PCDHGA8: variants seen among roughly 807,000 people sequenced by gnomAD.
The protein encoded by PCDHGA8 is protocadherin gamma subfamily A, 8.
PCDHGA8 carries 45 observed loss-of-function variants against 59.2 expected under a neutral mutation model. The ratio of observed to expected loss-of-function variants is 0.76; its 90% CI spans 0.60 to 0.98. PCDHGA8 has a LOEUF of 0.98. Ranked by LOEUF, PCDHGA8 falls within the 50% of genes least tolerant of loss-of-function variation. PCDHGA8 has a pLI of 0.00. For missense variants in PCDHGA8, 1,257 were observed against 1,196.2 expected, an observed-to-expected ratio of 1.05 and a Z score of -0.75; for synonymous variants, 531 against 519.0, an observed-to-expected ratio of 1.02 and a Z score of -0.32.
At chr5:141,408,313 T>A (rs375849626) in intron 1 of PCDHGA8, 28 of 1,613,640 alleles carry the variant, frequency 1.7e-5, no homozygotes, top group Non-Finnish European at 2.0e-5. Flanking sequence ...GCTACTCGAT[T>A]CCGGAGGAGC....
chr5:141,422,360 G>C (rs766368774), intron 1 of PCDHGA8: 1 of 1,559,254 alleles, frequency 6.4e-7, no homozygotes, highest in African/African-American at 1.4e-5. Context: ...CAAGATTCTG[G>C]AGAAAATGGT....
rs778744503 is a variant in PCDHGA8, at chr5:141,511,152, G to C, written c.2778G>C (p.Ser926=). 2 of 1,614,140 alleles carry C rather than the reference G, an allele frequency of 1.2e-6. No individual in the cohort carries two copies. Among genetic ancestry groups the C allele is most frequent in the South Asian group, 2.2e-5 (2 of 91,086 alleles). The change falls in exon 4 of 4, where the codon TCG becomes TCC. Residue 926 remains serine, a synonymous_variant. Coordinates refer to ENST00000398604, the MANE Select transcript of PCDHGA8 (RefSeq NM_032088.2). ...PAGGNGNKKK[S]GKKEKK ...GTGGCAATGGCAACAAGAAGAAGTC[G>C]GGCAAGAAGGAGAAGAAGTAACATG...
chr5:141,428,381 C>T, intron 1 of PCDHGA8: 1 of 516,406 alleles, frequency 1.9e-6, no homozygotes, highest in Non-Finnish European at 3.6e-6. Context: ...CTGCGATGCT[C>T]TTCCAGCCCC....
Position 141,432,072 on chromosome 5 carries a change from T to C in PCDHGA8, c.2424+36835T>C, listed in dbSNP as rs1236871982. The C allele has an allele frequency of 6.2e-7, 1 of 1,614,178 alleles. No homozygotes were observed. The highest frequency in any genetic ancestry group is 8.5e-7 in the Non-Finnish European group (1 of 1,180,032). On this transcript the variant is annotated intron_variant, in intron 1 of 3. Coordinates refer to ENST00000398604, the MANE Select transcript of PCDHGA8 (RefSeq NM_032088.2). This position sits in a 1 kb window ranked among gnomAD's most constrained non-coding sequence, Gnocchi z 6.0. ...CCGCCCCTATCCACGGAAACTCATA[T>C]CTCGCTGAACGTGGCAGACACCAAC...
intron 1 of PCDHGA8, chr5:141,404,365 C>G (rs1322773399): frequency 1.2e-6 from 2 of 1,613,818 alleles, no homozygotes; most frequent in Admixed American, 3.3e-5. Context: ...GTACTTCCAT[C>G]TTCTCCGTGA....
At chr5:141,497,969 C>T (rs1595499086) in intron 2 of PCDHGA8, among the ~76,000 whole-genome samples, 1 of 152,160 alleles carries the variant, frequency 6.6e-6, no homozygotes. Flanking sequence ...GCAGTGTTCT[C>T]GATGTGGGAG....
chr5:141,394,653 C>T lies in PCDHGA8; in HGVS notation c.1840C>T (p.Pro614Ser), dbSNP rs545273127. Residue 614 changes from proline to serine, a missense_variant, in exon 1 of 4, where the codon CCG (proline) becomes TCG (serine). Physicochemically the swap from Pro to Ser is moderately conservative, Grantham distance 74. Coordinates refer to ENST00000398604, the MANE Select transcript of PCDHGA8 (RefSeq NM_032088.2). ...LSYRLLKASE[P>S]GLFSVGLHTG... ...CTACCGCCTGCTCAAGGCCAGCGAG[C>T]CGGGACTCTTCTCGGTGGGTCTGCA... The T allele has an allele frequency of 9.9e-6, 16 of 1,613,348 alleles. No homozygotes were observed. The East Asian group carries it at 3.1e-4, about 31-fold the overall frequency.
chr5:141,470,738 C>T lies in PCDHGA8; in HGVS notation c.2425-24069C>T, dbSNP rs117476356. On this transcript the variant is annotated intron_variant, in intron 1 of 3. Transcript: ENST00000398604. ...TTTGAGTCAGGGTCTTGCTCTGTCG[C>T]CCTGGCTGGAGTGCAGTGGACTCAC... Among the ~76,000 whole-genome samples the T allele has an allele frequency of 1.9e-3, 295 of 152,226 alleles. 7 individuals carry two copies. In the East Asian group the frequency reaches 0.046, roughly 24 times the overall value.
At chr5:141,433,765 A>G (rs1389737053) in intron 1 of PCDHGA8, among the ~76,000 whole-genome samples, 1 of 148,692 alleles carries the variant, frequency 6.7e-6, no homozygotes, top group Non-Finnish European at 1.5e-5. Flanking sequence ...TTAACCTGGG[A>G]GGTGGAGGTT....
chr5:141,399,713 A>C (rs1353862646), intron 1 of PCDHGA8: 1 of 1,613,326 alleles, frequency 6.2e-7, no homozygotes, highest in Non-Finnish European at 8.5e-7. Context: ...CTCACACTAC[A>C]GGCCCGCGAC....
Position 141,431,474 on chromosome 5 carries a change from G to C in PCDHGA8, c.2424+36237G>C. On this transcript the variant is annotated intron_variant, in intron 1 of 3. Coordinates refer to ENST00000398604, the MANE Select transcript of PCDHGA8 (RefSeq NM_032088.2). The surrounding 1 kb of genome is among the most constrained non-coding windows in gnomAD (Gnocchi z 4.8). The stretch of plus-strand genomic sequence containing the variant: ...GATGGTTCTGGATGCGAACGACAAC[G>C]CACCAGCGTTTGCTCAGCCCGAGTA... 6.2e-7 allele frequency: 1 copy of C among 1,613,842 alleles called. No individual in the cohort carries two copies. The highest frequency in any genetic ancestry group is 8.5e-7 in the Non-Finnish European group (1 of 1,179,958).
chr5:141,440,401 C>T (rs1023628115), intron 1 of PCDHGA8: 4 of 152,088 alleles, frequency 2.6e-5, no homozygotes, highest in African/African-American at 7.3e-5. Context: ...GAGAGGCAAT[C>T]GCACCACTGC....
intron 1 of PCDHGA8, among the ~76,000 whole-genome samples, chr5:141,438,587 C>CAT (rs1372372472): frequency 1.4e-4 from 10 of 73,396 alleles, no homozygotes; most frequent in East Asian, 3.8e-4. Context: ...TACATACATA[C>CAT]ATACATATAT....
Position 141,490,876 on chromosome 5 carries a change from G to T in PCDHGA8, c.2425-3931G>T. On this transcript the variant is annotated intron_variant, in intron 1 of 3. Coordinates refer to ENST00000398604, the MANE Select transcript of PCDHGA8 (RefSeq NM_032088.2). The surrounding 1 kb of genome is among the most constrained non-coding windows in gnomAD (Gnocchi z 5.4). Reference sequence around the variant, plus strand: ...AGACTCCGGCTCTCCCCCATTGCATGCCAACACATCTCTGCATGTGTTTGT... The same window carrying T: ...AGACTCCGGCTCTCCCCCATTGCATTCCAACACATCTCTGCATGTGTTTGT... 6.2e-7 allele frequency: 1 copy of T among 1,613,840 alleles called. No homozygotes were observed. The highest frequency in any genetic ancestry group is 8.5e-7 in the Non-Finnish European group (1 of 1,179,894).
intron 2 of PCDHGA8, among the ~76,000 whole-genome samples, chr5:141,505,069 G>A (rs2099843308): frequency 2.0e-5 from 3 of 152,340 alleles, no homozygotes; most frequent in East Asian, 1.9e-4. Flanking sequence ...GACTGAGGCA[G>A]GAGAATCGCT....
Position 141,393,650 on chromosome 5 carries a change from C to A in PCDHGA8, c.837C>A (p.Tyr279Ter). Residue 279 changes from tyrosine to a stop codon, truncating the protein, a stop_gained, in exon 1 of 4, where the codon TAC becomes TAA. Transcript: ENST00000398604. LOFTEE classifies it high-confidence loss of function. ...AGGGAATCAACGGAAAAGTGGCATA[C>A]AAATTCCGGAAAATTAATGAAAAAC... Reference protein sequence around the residue: ...PDEGINGKVAYKFRKINEKQT... With the variant: ...PDEGINGKVA 6.2e-7 allele frequency: 1 copy of A among 1,613,906 alleles called. No homozygotes were observed. Among genetic ancestry groups the A allele is most frequent in the Non-Finnish European group, 8.5e-7 (1 of 1,179,894 alleles).
At position 141,393,962 on chromosome 5, in the gene PCDHGA8, C is replaced by G. The variant is rs2150548263; in HGVS notation, c.1149C>G (p.Val383=). The change falls in exon 1 of 4, where the codon GTC becomes GTG. Residue 383 remains valine, a synonymous_variant. Transcript: ENST00000398604. ...DQDSGKNGQV[V]CYTRDNLPFK... The stretch of plus-strand genomic sequence containing the variant: ...ACTCTGGAAAGAATGGTCAAGTTGT[C>G]TGTTACACACGTGATAATTTACCTT... 6.2e-7 allele frequency: 1 copy of G among 1,613,894 alleles called. No homozygotes were observed. Among genetic ancestry groups the G allele is most frequent in the Non-Finnish European group, 8.5e-7 (1 of 1,179,864 alleles).
intron 2 of PCDHGA8, among the ~76,000 whole-genome samples, chr5:141,500,292 T>A (rs1001226545): frequency 2.0e-5 from 3 of 151,954 alleles, no homozygotes; most frequent in Non-Finnish European, 4.4e-5. Context: ...CACTGCAAGC[T>A]CCGCCTCCCA....
rs755706235 is a variant in PCDHGA8 at position 141,476,450 on chromosome 5, G to A, written c.2425-18357G>A. ...TTGCACTGTAACTCTGGAGTTGGTA[G>A]TGGAGAACCCGCTGGAGCTGTTCAG... On this transcript the variant is annotated intron_variant, in intron 1 of 3. Transcript: ENST00000398604. The surrounding 1 kb of genome is among the most constrained non-coding windows in gnomAD (Gnocchi z 7.6). The A allele has an allele frequency of 6.2e-7, 1 of 1,614,180 alleles. No individual in the cohort carries two copies. The highest frequency in any genetic ancestry group is 8.5e-7 in the Non-Finnish European group (1 of 1,180,040).
Sources: gnomAD v4.1 joint callset for allele counts (sites outside exome capture counted in the v4.1 genomes callset) on GRCh38, gnomAD v4.1.1 for gene constraint, Gnocchi (gnomAD v3.1) non-coding constraint, MANE v1.5 for transcripts, NCBI Gene and HGNC (gene_info 2026-07-23, HGNC 2026-07-21) for gene names.